AGAP9: variants seen among roughly 807,000 people sequenced by gnomAD.
AGAP9 encodes the protein ArfGAP with GTPase domain, ankyrin repeat and PH domain 9, also known as arf-GAP with GTPase, ANK repeat and PH domain-containing protein 9.
Under a neutral mutation model 55.6 loss-of-function variants are expected in AGAP9, and 23 were observed. That is an observed-to-expected ratio of 0.41 (90% CI 0.30 to 0.59). The LOEUF is 0.59. AGAP9 is among the 20% of genes least tolerant of loss of function. The pLI is 0.25. For synonymous variants in AGAP9, 120 were observed against 305.0 expected (o/e 0.39, Z 6.32); for missense variants, 309 against 808.1 (o/e 0.38, Z 7.49).
rs1417279230 is a variant in AGAP9, at chr10:47,510,984, C to T, written c.397-713G>A. 2.3e-5 allele frequency among the ~76,000 whole-genome samples: 3 copies of T among 129,710 alleles called. 1 individual carries two copies. The highest frequency in any genetic ancestry group is 9.0e-5 in the African/African-American group (3 of 33,462). The allele number at this position is 129,710 out of a possible 152,430, so 85.1% of individuals were successfully genotyped here. On this transcript the variant is annotated intron_variant, in intron 4 of 7. Coordinates refer to ENST00000452145, the MANE Select transcript of AGAP9 (RefSeq NM_001190810.1). Reference sequence around the variant, plus strand: ...TTTGAGACGGAGTCTCGCTCTGTAGCCCAGGCTGGAGTGCAGTGGCGCGAT... The same window carrying T: ...TTTGAGACGGAGTCTCGCTCTGTAGTCCAGGCTGGAGTGCAGTGGCGCGAT...
At chr10:47,521,746 T>C (rs1174455547) in intron 2 of AGAP9, among the ~76,000 whole-genome samples, 2 of 151,376 alleles carry the variant, frequency 1.3e-5, no homozygotes, top group African/African-American at 4.9e-5. Context: ...ATCCCCTGCC[T>C]CTGCCAACAG....
At chr10:47,521,252 T>C (rs1217067145) in intron 2 of AGAP9, among the ~76,000 whole-genome samples, 1 of 135,760 alleles carries the variant, frequency 7.4e-6, no homozygotes, top group Non-Finnish European at 1.5e-5. Flanking sequence ...ACACTACCCA[T>C]CTACTAACTG....
rs1454398800 is a variant in AGAP9 at position 47,521,212 on chromosome 10, A to C, written c.293-645T>G. ...CTGTGTTGTAATCCTAAAGAATGAC[A>C]ATAAAGAGCCATTTTTGGGCTCTCA... On this transcript the variant is annotated intron_variant, in intron 2 of 7. Coordinates refer to ENST00000452145, the MANE Select transcript of AGAP9 (RefSeq NM_001190810.1). Among the ~76,000 whole-genome samples, 2 of 131,900 alleles carry C rather than the reference A, an allele frequency of 1.5e-5. 1 individual carries two copies. Among genetic ancestry groups the C allele is most frequent in the Non-Finnish European group, 3.1e-5 (2 of 64,082 alleles). 86.5% of individuals were successfully genotyped at this position (131,900 alleles called of 152,430 possible). A position where few individuals can be genotyped will look rare whatever the true frequency, so the allele number is the denominator to read the frequency against.
rs3953934 is a variant in AGAP9, at chr10:47,502,352, G to A, written c.1777C>T (p.Arg593Trp). 6.7e-5 allele frequency: 108 copies of A among 1,607,436 alleles called. 2 individuals are homozygous for A. In the Middle Eastern group the frequency reaches 8.7e-4, roughly 13 times the overall value. Residue 593 changes from arginine (R) to tryptophan (W), a missense_variant, in exon 8 of 8, where the codon CGG (arginine) becomes TGG (tryptophan). By Grantham distance (101) the Arg-to-Trp change is moderately radical. Coordinates refer to ENST00000452145, the MANE Select transcript of AGAP9 (RefSeq NM_001190810.1). ...TGCAGGTCCTCATCAGTGGTGGCCC[G>A]CAGCAGCTGCTGGCCCAGGGACAGC... ...TELSLGQQLLRATTDEDLQTA... is the reference protein window; with the variant it reads ...TELSLGQQLLWATTDEDLQTA...
intron 6 of AGAP9, 71 bp downstream of exon 6, chr10:47,507,477 A>G (rs1417999697): frequency 6.8e-7 from 1 of 1,460,804 alleles, no homozygotes; most frequent in Non-Finnish European, 9.1e-7. Context: ...TAGAGCTGTG[A>G]CCTAACACTG....
At chr10:47,506,735 G>A (rs1840486861) in intron 6 of AGAP9, among the ~76,000 whole-genome samples, 1 of 145,312 alleles carries the variant, frequency 6.9e-6, no homozygotes, top group South Asian at 2.2e-4. Flanking sequence ...CGCCTCCCAA[G>A]TTCAAGCGGT....
In AGAP9 at chr10:47,503,133, G is replaced by C; in HGVS notation, c.996C>G (p.Asp332Glu). 6.2e-7 allele frequency: 1 copy of C among 1,610,780 alleles called. No individual in the cohort carries two copies. Among genetic ancestry groups the C allele is most frequent in the South Asian group, 1.1e-5 (1 of 90,966 alleles). Residue 332 changes from aspartate to glutamate, a missense_variant, in exon 8 of 8, where the codon GAC (aspartate) becomes GAG (glutamate). Asp to Glu is a conservative substitution (Grantham distance 45, BLOSUM62 2). Coordinates refer to ENST00000452145, the MANE Select transcript of AGAP9 (RefSeq NM_001190810.1). The stretch of plus-strand genomic sequence containing the variant: ...GGACTTTGATGGTAGATGTCCGAAG[G>C]TCAATCTCTTTTTTATGAATATTCT... ...YMKNIHKKEI[D>E]LRTSTIKVPG... is the part of the protein sequence containing the mutation.
At chr10:47,506,561 C>A (rs1194764044) in intron 6 of AGAP9, among the ~76,000 whole-genome samples, 1 of 142,280 alleles carries the variant, frequency 7.0e-6, no homozygotes, top group Admixed American at 7.2e-5. Context: ...AACTCCTGAC[C>A]TCAAGTGATC....
rs4013061 is a variant in AGAP9 at position 47,515,694 on chromosome 10, T to C, written c.396+2129A>G. Among the ~76,000 whole-genome samples the C allele has an allele frequency of 2.6e-3, 363 of 139,590 alleles. 7 individuals are homozygous for C. Among genetic ancestry groups the C allele is most frequent in the African/African-American group, 8.5e-3 (324 of 38,016 alleles). 91.6% of individuals were successfully genotyped at this position (139,590 alleles called of 152,430 possible). On this transcript the variant is annotated intron_variant, in intron 4 of 7. Transcript: ENST00000452145. ...CCAAAAATGGAACTCCAACTTTCTT[T>C]GCTAACTCTGCTTTTCCTTTCCAGG...
chr10:47,507,493 G>C (rs2132478923), intron 6 of AGAP9, 55 bp downstream of exon 6: 1 of 1,494,980 alleles, frequency 6.7e-7, no homozygotes, highest in South Asian at 1.2e-5. Context: ...CACTGAGCTT[G>C]ATATCTTGCA....
intron 2 of AGAP9, among the ~76,000 whole-genome samples, chr10:47,520,889 T>C (rs1340511433): frequency 1.6e-5 from 2 of 127,376 alleles, no homozygotes; most frequent in African/African-American, 6.8e-5. Flanking sequence ...TGGCTTTGAG[T>C]TGTGTAAAAT....
chr10:47,511,301 G>A lies in AGAP9; in HGVS notation c.397-1030C>T, dbSNP rs1278510184. On this transcript the variant is annotated intron_variant, in intron 4 of 7. Coordinates refer to ENST00000452145, the MANE Select transcript of AGAP9 (RefSeq NM_001190810.1). Reference sequence around the variant, plus strand: ...TGTATTAAATAATCCTGCTACAAGAGCACTTTATTGCAGTGAATACAAGAC... The same window carrying A: ...TGTATTAAATAATCCTGCTACAAGAACACTTTATTGCAGTGAATACAAGAC... 4.9e-5 allele frequency among the ~76,000 whole-genome samples: 7 copies of A among 142,406 alleles called. 1 individual carries two copies. Among genetic ancestry groups the A allele is most frequent in the African/African-American group, 1.8e-4 (7 of 38,904 alleles). 93.4% of individuals were successfully genotyped at this position (142,406 alleles called of 152,430 possible).
chr10:47,514,042 A>G (rs1436793483), intron 4 of AGAP9, among the ~76,000 whole-genome samples: 1 of 141,764 alleles, frequency 7.1e-6, no homozygotes, highest in Non-Finnish European at 1.5e-5. Context: ...AGACTTAACT[A>G]AAGAGCTTCT....
chr10:47,508,885 C>CA (rs1197493646), intron 5 of AGAP9, among the ~76,000 whole-genome samples: 8 of 120,760 alleles, frequency 6.6e-5, no homozygotes, highest in Non-Finnish European at 9.7e-5. Flanking sequence ...TTGAAAAAAA[C>CA]CTTGCATAAG....
In AGAP9 at chr10:47,502,294, C is replaced by T. The variant is rs1405130774; in HGVS notation, c.1835G>A (p.Arg612His). 3.6e-5 allele frequency: 58 copies of T among 1,601,322 alleles called. 2 individuals carry two copies. The highest frequency in any genetic ancestry group is 8.3e-5 in the African/African-American group (6 of 72,710). ...CCCACAGGTCTCGTTCACCTCCTCACGGGAGCCATGTGCCAGCAGCAGGAT... is the reference window on the plus strand; with the variant it reads ...CCCACAGGTCTCGTTCACCTCCTCATGGGAGCCATGTGCCAGCAGCAGGAT... ...TAILLLAHGS[R>H]EEVNETCGEG... Residue 612 changes from arginine to histidine, a missense_variant, in exon 8 of 8, where the codon CGT (arginine) becomes CAT (histidine). Transcript: ENST00000452145.
intron 3 of AGAP9, among the ~76,000 whole-genome samples, chr10:47,519,801 C>T (rs1372070667): frequency 2.2e-4 from 1 of 4,518 alleles, no homozygotes; most frequent in Non-Finnish European, 4.2e-4. Flanking sequence ...TACTGTGCTG[C>T]ATTACTTCGC....
chr10:47,521,701 A>G (rs1840841721), intron 2 of AGAP9, among the ~76,000 whole-genome samples: 1 of 150,220 alleles, frequency 6.7e-6, no homozygotes. Context: ...TTAGAGGCAA[A>G]CCAACTAATT....
rs1439033066 is a variant in AGAP9 at position 47,513,622 on chromosome 10, C to T, written c.397-3351G>A. On this transcript the variant is annotated intron_variant, in intron 4 of 7. Coordinates refer to ENST00000452145, the MANE Select transcript of AGAP9 (RefSeq NM_001190810.1). ...CAACAAATCTGGAGGCATGACATTA[C>T]CTGATTTCAAACTATACTATAAGGC... 2.3e-4 allele frequency among the ~76,000 whole-genome samples: 32 copies of T among 140,130 alleles called. 7 individuals carry two copies. The highest frequency in any genetic ancestry group is 8.0e-4 in the African/African-American group (31 of 38,842). 91.9% of individuals were successfully genotyped at this position (140,130 alleles called of 152,430 possible).
rs1377799683 is a variant in AGAP9, at chr10:47,516,535, G to A, written c.396+1288C>T. Among the ~76,000 whole-genome samples the A allele has an allele frequency of 3.7e-5, 5 of 135,942 alleles. No individual in the cohort carries two copies. In the Admixed American group the frequency reaches 3.8e-4, roughly 10 times the overall value. 89.2% of individuals were successfully genotyped at this position (135,942 alleles called of 152,430 possible). A position where few individuals can be genotyped will look rare whatever the true frequency, so the allele number is the denominator to read the frequency against. ...TCAAGTACAACTAGAGACGATAACA[G>A]GACAGAAGGAAACACAGAATCTAGG... On this transcript the variant is annotated intron_variant, in intron 4 of 7. Transcript: ENST00000452145.
Sources: gnomAD v4.1 joint callset for allele counts (sites outside exome capture counted in the v4.1 genomes callset) on GRCh38, gnomAD v4.1.1 for gene constraint, MANE v1.5 for transcripts, NCBI Gene and HGNC (gene_info 2026-07-23, HGNC 2026-07-21) for gene names.